Variants in KLHL13 observed in about 807,000 individuals in gnomAD.
KLHL13 encodes the protein kelch-like protein 13.
KLHL13 carries 10 observed loss-of-function variants against 37.1 expected under a neutral mutation model. The observed-to-expected ratio is 0.27, with a 90% confidence interval of 0.17 to 0.46. The LOEUF is 0.46. KLHL13 is among the 20% of genes least tolerant of loss of function. The probability of loss-of-function intolerance (pLI) is 1.00; values close to 1 mark genes in which losing one functional copy is unlikely to be tolerated. For synonymous variants in KLHL13, 163 were observed against 181.2 expected, an observed-to-expected ratio of 0.90 and a Z score of 0.81; for missense variants, 360 against 509.3, an observed-to-expected ratio of 0.71 and a Z score of 2.82.
rs181160260 is a variant in KLHL13 at position 118,057,684 on chromosome X, G to A, written c.-56+58824C>T. ...AAAATACAAGAAAAAAAATTAGTCGGGTGTGGTGGCGGACACCTGTAGTCC... is the reference window on the plus strand; with the variant it reads ...AAAATACAAGAAAAAAAATTAGTCGAGTGTGGTGGCGGACACCTGTAGTCC... On this transcript the variant is annotated intron_variant, in intron 1 of 6. Transcript: ENST00000371882. Among the ~76,000 whole-genome samples, 161 of 110,524 alleles carry A rather than the reference G, an allele frequency of 1.5e-3. 2 individuals are homozygous for A. Among genetic ancestry groups the A allele is most frequent in the African/African-American group, 5.1e-3 (156 of 30,341 alleles).
At chrX:118,076,486 G>A (rs979663982) in intron 1 of KLHL13, among the ~76,000 whole-genome samples, 1 of 111,464 alleles carries the variant, frequency 9.0e-6, no homozygotes, top group Non-Finnish European at 1.9e-5. Flanking sequence ...TTTTAAGGAG[G>A]TGGCTCCCAC....
intron 1 of KLHL13, among the ~76,000 whole-genome samples, chrX:118,075,201 A>G (rs2054916432): frequency 8.9e-6 from 1 of 111,777 alleles, no homozygotes; most frequent in South Asian, 3.7e-4. Flanking sequence ...GAGATAAAAC[A>G]TAAACCACAG....
chrX:117,985,321 G>C, intron 1 of KLHL13: 1 of 1,131,962 alleles, frequency 8.8e-7, no homozygotes, highest in South Asian at 2.1e-5. Context: ...CAAATTCTCT[G>C]GAGTTTTAAA....
chrX:118,072,353 G>A (rs1239710370), intron 1 of KLHL13, among the ~76,000 whole-genome samples: 1 of 113,218 alleles, frequency 8.8e-6, no homozygotes, highest in African/African-American at 3.2e-5. Flanking sequence ...AAACTTAAAT[G>A]TTAGACCTAA....
intron 1 of KLHL13, among the ~76,000 whole-genome samples, chrX:118,052,250 C>T (rs1325215333): frequency 9.1e-6 from 1 of 110,363 alleles, no homozygotes; most frequent in Non-Finnish European, 1.9e-5. Context: ...CGGTGGCTCA[C>T]GCCTGTAATC....
chrX:118,096,721 T>C (rs1443846492), intron 1 of KLHL13, among the ~76,000 whole-genome samples: 1 of 111,415 alleles, frequency 9.0e-6, no homozygotes, highest in Admixed American at 9.5e-5. Context: ...ATCAAAAAGC[T>C]TATCCACCAT....
intron 1 of KLHL13, among the ~76,000 whole-genome samples, chrX:117,969,710 G>A (rs758309218): frequency 1.8e-5 from 2 of 111,854 alleles, no homozygotes; most frequent in Non-Finnish European, 3.8e-5. Context: ...AATCAATCTA[G>A]AGACTGAAGT....
intron 2 of KLHL13, among the ~76,000 whole-genome samples, chrX:117,945,095 T>C (rs1232103901): frequency 8.9e-6 from 1 of 111,799 alleles, no homozygotes; most frequent in Non-Finnish European, 1.9e-5. Context: ...AAATCAGATA[T>C]GGTATTCTGT....
chrX:118,097,091 G>A (rs1210642159), intron 1 of KLHL13, among the ~76,000 whole-genome samples: 74 of 110,939 alleles, frequency 6.7e-4, no homozygotes, highest in Non-Finnish European at 1.1e-3. Flanking sequence ...CAATCAGGCA[G>A]GAGAAGGAAA....
intron 1 of KLHL13, among the ~76,000 whole-genome samples, chrX:118,025,870 T>C (rs936318217): frequency 8.9e-6 from 1 of 112,243 alleles, no homozygotes; most frequent in South Asian, 3.7e-4. Context: ...ACTGCAAAAG[T>C]TATGACCACA....
intron 1 of KLHL13, among the ~76,000 whole-genome samples, chrX:118,005,379 A>T (rs1602642198): frequency 8.9e-6 from 1 of 112,053 alleles, no homozygotes; most frequent in East Asian, 2.8e-4. Flanking sequence ...GAAAACTCAC[A>T]GTATGGTATA....
chrX:118,007,019 T>C (rs1465477157), intron 1 of KLHL13, among the ~76,000 whole-genome samples: 1 of 111,242 alleles, frequency 9.0e-6, no homozygotes, highest in Non-Finnish European at 1.9e-5. Flanking sequence ...CTAGAGGCCT[T>C]ATTAGACTTA....
chrX:117,956,426 T>C lies in KLHL13; in HGVS notation c.99-10851A>G, dbSNP rs189956249. Among the ~76,000 whole-genome samples the C allele has an allele frequency of 5.4e-5, 6 of 111,219 alleles. No homozygotes were observed. In the Admixed American group the frequency reaches 5.8e-4, roughly 11 times the overall value. Reference sequence around the variant, plus strand: ...AGGCTATGTGTTCTTGGGTAGAACATACCATTGTGATAAAAATGACATAGT... The same window carrying C: ...AGGCTATGTGTTCTTGGGTAGAACACACCATTGTGATAAAAATGACATAGT... On this transcript the variant is annotated intron_variant, in intron 1 of 6. Coordinates refer to ENST00000262820, the Ensembl canonical transcript of KLHL13.
rs1042056530 is a variant in KLHL13, at chrX:118,086,047, C to G, written c.-56+30461G>C. On this transcript the variant is annotated intron_variant, in intron 1 of 6. Transcript: ENST00000371882. ...CTGCTTCCCGGGTTCAAGCAATTCT[C>G]CTGCCTCAGCCTCCCAAGTAGCTGG... 4.5e-5 allele frequency among the ~76,000 whole-genome samples: 5 copies of G among 110,522 alleles called. No homozygotes were observed. The South Asian group carries it at 2.0e-3, about 44-fold the overall frequency.
intron 1 of KLHL13, among the ~76,000 whole-genome samples, chrX:118,021,418 T>G (rs1485781595): frequency 9.4e-6 from 1 of 106,888 alleles, no homozygotes. Context: ...GGCCCTGGTG[T>G]GTGATGTTCC....
At chrX:118,070,456 T>C (rs965734093) in intron 1 of KLHL13, among the ~76,000 whole-genome samples, 4 of 112,114 alleles carry the variant, frequency 3.6e-5, no homozygotes, top group Non-Finnish European at 7.5e-5. Context: ...CCAGAGAATA[T>C]ACTCTAATTT....
Position 118,111,184 on chromosome X carries a change from G to A in KLHL13, c.-56+5324C>T, listed in dbSNP as rs1033413313. Among the ~76,000 whole-genome samples, 21 of 112,426 alleles carry A rather than the reference G, an allele frequency of 1.9e-4. 1 individual carries two copies. The highest frequency in any genetic ancestry group is 6.8e-4 in the African/African-American group (21 of 31,022). ...ATCGAAAAATCTTGGTGCCAGATGT[G>A]TTTCTGAATTTAGAAATGTCCAGAC... On this transcript the variant is annotated intron_variant, in intron 1 of 6. Coordinates refer to the KLHL13 transcript ENST00000371882.
At position 117,928,686 on chromosome X, in the gene KLHL13, T is replaced by A. The variant is rs151228350; in HGVS notation, c.241-8316A>T. ...AACATCAAAAATTGTGGAGTGCAGATGAAGCTCTACTTAGGGGAAATTTAT... is the reference window on the plus strand; with the variant it reads ...AACATCAAAAATTGTGGAGTGCAGAAGAAGCTCTACTTAGGGGAAATTTAT... On this transcript the variant is annotated intron_variant, in intron 2 of 6. Transcript: ENST00000262820. Among the ~76,000 whole-genome samples the A allele has an allele frequency of 3.7e-3, 414 of 111,433 alleles. 3 individuals carry two copies. Among genetic ancestry groups the A allele is most frequent in the Middle Eastern group, 0.023 (5 of 215 alleles).
intron 1 of KLHL13, among the ~76,000 whole-genome samples, chrX:118,033,197 A>G (rs1433619358): frequency 9.0e-6 from 1 of 111,453 alleles, no homozygotes; most frequent in African/African-American, 3.3e-5. Flanking sequence ...AACTTCCCCA[A>G]TCTAGCAAGG....
Sources: gnomAD v4.1 joint callset for allele counts (sites outside exome capture counted in the v4.1 genomes callset) on GRCh38, gnomAD v4.1.1 for gene constraint, MANE v1.5 for transcripts, NCBI Gene and HGNC (gene_info 2026-07-23, HGNC 2026-07-21) for gene names.